The following STPG2 variants were observed in gnomAD, a reference collection of about 807,000 sequenced individuals.
STPG2 encodes sperm tail PG-rich repeat containing 2, also known as sperm-tail PG-rich repeat-containing protein 2.
Under a neutral mutation model 54.2 loss-of-function variants are expected in STPG2, and 56 were observed. That is an observed-to-expected ratio of 1.03 (90% CI 0.83 to 1.29). STPG2 has a LOEUF of 1.29. STPG2 is among the 50% of genes most tolerant of loss of function. The pLI is 0.00. For synonymous variants in STPG2, 200 were observed against 181.8 expected (o/e 1.10, Z -0.81); for missense variants, 596 against 544.9 (o/e 1.09, Z -0.93).
intron 10 of STPG2, among the ~76,000 whole-genome samples, chr4:97,628,934 A>G (rs1348722285): frequency 6.6e-6 from 1 of 152,058 alleles, no homozygotes; most frequent in East Asian, 1.9e-4. Context: ...TCATTTTTTA[A>G]AGGAAATGTC....
intron 8 of STPG2, among the ~76,000 whole-genome samples, chr4:97,900,401 C>T (rs28539191): frequency 0.25 from 37,383 of 151,952 alleles, 5,352 homozygotes; most frequent in Middle Eastern, 0.36. Flanking sequence ...TACCATTCAA[C>T]GCAGCAATCC....
downstream of STPG2, among the ~76,000 whole-genome samples, chr4:97,556,993 C>T (rs955951614): frequency 6.6e-6 from 1 of 152,080 alleles, no homozygotes; most frequent in Non-Finnish European, 1.5e-5. Flanking sequence ...CCATCCTGGT[C>T]AACAAGGTGA....
At chr4:97,915,689 G>A (rs1048458477) in intron 8 of STPG2, among the ~76,000 whole-genome samples, 5 of 152,084 alleles carry the variant, frequency 3.3e-5, no homozygotes, top group Non-Finnish European at 5.9e-5. Context: ...ACGGAGGCAG[G>A]AAAGTTCAGT....
chr4:97,583,897 G>A (rs1732927033), intron 10 of STPG2, among the ~76,000 whole-genome samples: 1 of 151,752 alleles, frequency 6.6e-6, no homozygotes, highest in East Asian at 1.9e-4. Flanking sequence ...CTAGACATTA[G>A]AAATGAGATA....
chr4:97,734,217 A>T (rs1724897723), intron 9 of STPG2, among the ~76,000 whole-genome samples: 1 of 152,218 alleles, frequency 6.6e-6, no homozygotes, highest in Admixed American at 6.5e-5. Context: ...TAATTATAAA[A>T]GGATATTGAA....
intron 8 of STPG2, among the ~76,000 whole-genome samples, chr4:97,902,347 T>C (rs543155895): frequency 2.6e-5 from 4 of 151,834 alleles, no homozygotes; most frequent in Non-Finnish European, 4.4e-5. Context: ...AAGGAGACAA[T>C]CAACAAAACA....
At chr4:97,720,885 T>C (rs1346662915) in intron 9 of STPG2, among the ~76,000 whole-genome samples, 2 of 151,902 alleles carry the variant, frequency 1.3e-5, no homozygotes, top group Admixed American at 1.3e-4. Context: ...TTAAATGCTA[T>C]TTTTCTAGAA....
downstream of STPG2, among the ~76,000 whole-genome samples, chr4:97,556,162 T>G (rs1732073565): frequency 6.6e-6 from 1 of 152,112 alleles, no homozygotes; most frequent in Non-Finnish European, 1.5e-5. Flanking sequence ...CCTACATACA[T>G]TCGCAGGAAT....
chr4:97,571,873 T>C (rs1439171632), intron 10 of STPG2, among the ~76,000 whole-genome samples: 1 of 152,182 alleles, frequency 6.6e-6, no homozygotes, highest in African/African-American at 2.4e-5. Flanking sequence ...TTGACATATC[T>C]TTTGGCTTTT....
chr4:97,566,142 G>A (rs1386756962), intron 10 of STPG2, among the ~76,000 whole-genome samples: 2 of 152,148 alleles, frequency 1.3e-5, no homozygotes, highest in Admixed American at 6.5e-5. Context: ...GGGCAATGGC[G>A]GGTGCCTCTC....
intron 8 of STPG2, among the ~76,000 whole-genome samples, chr4:97,939,067 C>G (rs546491991): frequency 1.3e-5 from 2 of 152,082 alleles, no homozygotes; most frequent in East Asian, 3.9e-4. Flanking sequence ...CATTATTTAC[C>G]CAAAAGTCAT....
rs570605335 is a variant in STPG2 at position 98,087,722 on chromosome 4, G to A, written c.612+18231C>T. Among the ~76,000 whole-genome samples the A allele has an allele frequency of 1.7e-4, 26 of 152,002 alleles. No homozygotes were observed. In the South Asian group the frequency reaches 4.6e-3, roughly 27 times the overall value. Reference sequence around the variant, plus strand: ...ACTACAGGTGCCCGCCGCTATGCCCGGCTAATTTTTTGTATTTTTAGTAGA... The same window carrying A: ...ACTACAGGTGCCCGCCGCTATGCCCAGCTAATTTTTTGTATTTTTAGTAGA... On this transcript the variant is annotated intron_variant, in intron 5 of 10. Coordinates refer to ENST00000295268, the MANE Select transcript of STPG2 (RefSeq NM_174952.3).
At chr4:98,121,812 C>T (rs1210918593) in intron 3 of STPG2, among the ~76,000 whole-genome samples, 1 of 152,018 alleles carries the variant, frequency 6.6e-6, no homozygotes, top group Non-Finnish European at 1.5e-5. Context: ...ACTTCCACCT[C>T]CAGGGTTCAA....
In STPG2 at chr4:98,017,328, G is replaced by A. The variant is rs193229507; in HGVS notation, c.613-36010C>T. Among the ~76,000 whole-genome samples the A allele has an allele frequency of 1.1e-4, 17 of 152,364 alleles. No individual in the cohort carries two copies. In the East Asian group the frequency reaches 1.9e-3, roughly 17 times the overall value. On this transcript the variant is annotated intron_variant, in intron 5 of 10. Coordinates refer to ENST00000295268, the MANE Select transcript of STPG2 (RefSeq NM_174952.3). ...AGTACTGGAGCCTGTACCCACTGATGTTGGCCTGAAGCCTGGATCTGCCAG... is the reference window on the plus strand; with the variant it reads ...AGTACTGGAGCCTGTACCCACTGATATTGGCCTGAAGCCTGGATCTGCCAG...
At chr4:97,598,987 T>C (rs549233420) in intron 10 of STPG2, among the ~76,000 whole-genome samples, 65 of 152,152 alleles carry the variant, frequency 4.3e-4, no homozygotes, top group Middle Eastern at 3.4e-3. Context: ...ACCTGCAGAA[T>C]GGGAGAAAAT....
intron 9 of STPG2, among the ~76,000 whole-genome samples, chr4:97,771,949 T>C (rs1197029884): frequency 6.6e-6 from 1 of 152,178 alleles, no homozygotes; most frequent in East Asian, 1.9e-4. Flanking sequence ...GCTGTGAGAT[T>C]GCTGAGGGCC....
chr4:97,905,714 TC>T (rs1255501954), intron 8 of STPG2, among the ~76,000 whole-genome samples: 4 of 151,912 alleles, frequency 2.6e-5, no homozygotes, highest in Non-Finnish European at 5.9e-5. Flanking sequence ...GAAACCCATC[TC>T]ACGTGCAGAG....
At chr4:97,925,628 T>C (rs1732306260) in intron 8 of STPG2, among the ~76,000 whole-genome samples, 1 of 152,140 alleles carries the variant, frequency 6.6e-6, no homozygotes, top group African/African-American at 2.4e-5. Context: ...AATCTAAGAA[T>C]TTTCCATATT....
intron 5 of STPG2, among the ~76,000 whole-genome samples, chr4:98,093,115 A>C (rs1295385762): frequency 6.6e-6 from 1 of 152,244 alleles, no homozygotes. Context: ...TTGTATTACC[A>C]AATTAAAGAA....
Sources: allele counts gnomAD v4.1 joint callset (sites outside exome capture counted in the v4.1 genomes callset), GRCh38; gene constraint gnomAD v4.1.1; transcripts MANE v1.5; gene names NCBI Gene and HGNC (gene_info 2026-07-23, HGNC 2026-07-21).